Variants in SMYD3 observed in about 807,000 individuals in gnomAD.
SMYD3 encodes the protein SET and MYND domain containing 3.
A neutral mutation model predicts 57.7 loss-of-function variants in SMYD3; 36 were observed. The ratio of observed to expected loss-of-function variants is 0.62; its 90% CI spans 0.48 to 0.82. SMYD3 has a LOEUF of 0.82. Ranked by LOEUF, SMYD3 falls within the 40% of genes least tolerant of loss-of-function variation. The pLI is 0.00. For missense variants in SMYD3, 515 were observed against 538.8 expected (o/e 0.96, Z 0.44); for synonymous variants, 211 against 195.0 (o/e 1.08, Z -0.68).
intron 5 of SMYD3, among the ~76,000 whole-genome samples, chr1:246,312,091 C>G (rs1257192450): frequency 6.6e-6 from 1 of 152,096 alleles, no homozygotes; most frequent in Admixed American, 6.5e-5. Context: ...TGTCACTACA[C>G]CAGGTGCTAG....
At chr1:245,921,592 G>T (rs1572696101) in intron 7 of SMYD3, among the ~76,000 whole-genome samples, 1 of 135,440 alleles carries the variant, frequency 7.4e-6, no homozygotes, top group African/African-American at 2.8e-5. Context: ...GGAATAGTAT[G>T]CAGCCATAAA....
chr1:246,429,636 G>A (rs1266658759), intron 1 of SMYD3, among the ~76,000 whole-genome samples: 1 of 152,180 alleles, frequency 6.6e-6, no homozygotes, highest in Non-Finnish European at 1.5e-5. Flanking sequence ...TAAGATGAAA[G>A]ATATTAACTA....
At chr1:246,107,745 C>T (rs1237937302) in intron 5 of SMYD3, among the ~76,000 whole-genome samples, 1 of 152,218 alleles carries the variant, frequency 6.6e-6, no homozygotes, top group African/African-American at 2.4e-5. Context: ...ACCAGACCTC[C>T]AGCTGTGCTG....
At chr1:246,461,147 G>T (rs1281429773) in intron 1 of SMYD3, among the ~76,000 whole-genome samples, 2 of 152,186 alleles carry the variant, frequency 1.3e-5, no homozygotes, top group Admixed American at 6.5e-5. Flanking sequence ...TGGGCATCTT[G>T]TAGGATTTCT....
At chr1:246,450,579 A>G (rs2067618621) in intron 1 of SMYD3, among the ~76,000 whole-genome samples, 2 of 152,232 alleles carry the variant, frequency 1.3e-5, no homozygotes, top group Non-Finnish European at 2.9e-5. Context: ...AGACATAGGC[A>G]TTCCACTGCA....
chr1:246,161,038 G>A (rs1015939195), intron 5 of SMYD3, among the ~76,000 whole-genome samples: 6 of 152,100 alleles, frequency 3.9e-5, no homozygotes, highest in Non-Finnish European at 4.4e-5. Flanking sequence ...CAAGCGAGAC[G>A]ATGCCATCAG....
At chr1:245,921,927 C>T (rs1334941238) in intron 7 of SMYD3, among the ~76,000 whole-genome samples, 2 of 152,102 alleles carry the variant, frequency 1.3e-5, no homozygotes, top group African/African-American at 4.8e-5. Context: ...CCAAAGCTCA[C>T]TATCATGCAA....
intron 5 of SMYD3, among the ~76,000 whole-genome samples, chr1:246,104,642 G>GA (rs148805548): frequency 0.037 from 5,654 of 152,086 alleles, 224 homozygotes; most frequent in East Asian, 0.15. Context: ...GAAATGGGGG[G>GA]AAAAATAACA....
At chr1:245,997,127 AAC>A (rs1018237921) in intron 5 of SMYD3, among the ~76,000 whole-genome samples, 1 of 133,018 alleles carries the variant, frequency 7.5e-6, no homozygotes, top group Non-Finnish European at 1.7e-5. Flanking sequence ...AACGAAATGA[AAC>A]ACTGGCCCTA....
intron 5 of SMYD3, among the ~76,000 whole-genome samples, chr1:246,273,135 CTTTTT>C (rs71299006): frequency 9.3e-6 from 1 of 107,608 alleles, no homozygotes; most frequent in African/African-American, 3.7e-5. Flanking sequence ...TCCCTGTTTT[CTTTTT>C]TTTTTTTTTT....
chr1:245,944,399 CAA>C (rs2057365448), intron 5 of SMYD3, among the ~76,000 whole-genome samples: 1 of 151,852 alleles, frequency 6.6e-6, no homozygotes, highest in Non-Finnish European at 1.5e-5. Flanking sequence ...ATAATTGCTA[CAA>C]AGAGAATAAA....
intron 5 of SMYD3, among the ~76,000 whole-genome samples, chr1:246,215,243 G>T (rs932938275): frequency 2.6e-5 from 4 of 152,046 alleles, no homozygotes. Context: ...TTGTTTGCAT[G>T]GTCTATGTAT....
chr1:246,169,480 T>C (rs746369695), intron 5 of SMYD3, among the ~76,000 whole-genome samples: 1 of 147,568 alleles, frequency 6.8e-6, no homozygotes, highest in Non-Finnish European at 1.5e-5. Context: ...GTTCCTGGAG[T>C]AGCAAACAGA....
intron 5 of SMYD3, among the ~76,000 whole-genome samples, chr1:246,145,818 T>A (rs1400309166): frequency 6.6e-6 from 1 of 152,206 alleles, no homozygotes; most frequent in Non-Finnish European, 1.5e-5. Context: ...TATATGTTAG[T>A]AGCTATTATT....
intron 5 of SMYD3, among the ~76,000 whole-genome samples, chr1:246,094,298 A>C (rs562633649): frequency 1.3e-5 from 2 of 152,286 alleles, no homozygotes; most frequent in South Asian, 4.2e-4. Context: ...CTTTCCATAC[A>C]CTGCGTCCTT....
At chr1:245,860,782 G>A (rs934426796) in intron 9 of SMYD3, among the ~76,000 whole-genome samples, 3 of 152,206 alleles carry the variant, frequency 2.0e-5, no homozygotes, top group Admixed American at 6.5e-5. Context: ...CAGATTGCTG[G>A]GCTAACCTCC....
chr1:246,275,686 A>C (rs2064317528), intron 5 of SMYD3, among the ~76,000 whole-genome samples: 2 of 150,596 alleles, frequency 1.3e-5, no homozygotes, highest in African/African-American at 4.9e-5. Context: ...TTTGAATACT[A>C]ACTCTGTTTT....
At chr1:245,793,033 A>G (rs151121989) in intron 10 of SMYD3, among the ~76,000 whole-genome samples, 482 of 151,986 alleles carry the variant, frequency 3.2e-3, no homozygotes, top group African/African-American at 4.0e-3. Flanking sequence ...CATATAGGCC[A>G]GGCACAGTGG....
At chr1:245,817,209 C>A (rs997101426) in intron 10 of SMYD3, among the ~76,000 whole-genome samples, 2 of 146,762 alleles carry the variant, frequency 1.4e-5, no homozygotes, top group East Asian at 2.0e-4. Context: ...TGAGAACGGG[C>A]AGACTGCCTC....
Sources: gnomAD v4.1 joint callset for allele counts (sites outside exome capture counted in the v4.1 genomes callset) on GRCh38, gnomAD v4.1.1 for gene constraint, MANE v1.5 for transcripts, NCBI Gene and HGNC (gene_info 2026-07-23, HGNC 2026-07-21) for gene names.